Variants in MSI2 observed in about 807,000 individuals in gnomAD.
The protein encoded by MSI2 is musashi RNA binding protein 2, also known as RNA-binding protein Musashi homolog 2.
In MSI2, 17 loss-of-function variants were observed where a neutral mutation model predicts 45.6. The ratio of observed to expected loss-of-function variants is 0.37; its 90% CI spans 0.26 to 0.56. The LOEUF (loss-of-function observed/expected upper bound fraction) is 0.56, where lower values mean the gene tolerates loss of function less well. Among genes scored for constraint, MSI2 ranks in the 20% least tolerant of loss-of-function variants. The probability of loss-of-function intolerance (pLI) is 0.77; values close to 1 mark genes in which losing one functional copy is unlikely to be tolerated. For missense variants in MSI2, 293 were observed against 444.2 expected, an observed-to-expected ratio of 0.66 and a Z score of 3.06; for synonymous variants, 156 against 158.2, an observed-to-expected ratio of 0.99 and a Z score of 0.11.
At chr17:57,331,751 C>T (rs980797348) in intron 5 of MSI2, among the ~76,000 whole-genome samples, 2 of 152,130 alleles carry the variant, frequency 1.3e-5, no homozygotes, top group African/African-American at 2.4e-5. Context: ...ACAGTGAAGG[C>T]GTATCAGCCA....
At chr17:57,630,610 C>A (rs1909276405) in intron 10 of MSI2, 1 of 152,280 alleles carries the variant, frequency 6.6e-6, no homozygotes, top group African/African-American at 2.4e-5. Context: ...AGTCTATTCC[C>A]CTCCTGACCC....
chr17:57,654,989 C>T lies in MSI2; in HGVS notation c.790+2828C>T, dbSNP rs566995499. 7.4e-5 allele frequency among the ~76,000 whole-genome samples: 11 copies of T among 148,320 alleles called. No homozygotes were observed. The East Asian group carries it at 1.4e-3, about 19-fold the overall frequency. ...TGAAGTGAGAAGCACTTGCTGAGGG[C>T]CGTGGGGTGGGAGGCAGCTTCGTTT... is the stretch of plus-strand genomic sequence containing the variant. On this transcript the variant is annotated intron_variant, in intron 11 of 13. Coordinates refer to ENST00000284073, the MANE Select transcript of MSI2 (RefSeq NM_138962.4).
At chr17:57,553,116 C>A (rs2087344201) in intron 7 of MSI2, among the ~76,000 whole-genome samples, 1 of 152,158 alleles carries the variant, frequency 6.6e-6, no homozygotes, top group Non-Finnish European at 1.5e-5. Flanking sequence ...GTTGGAAATG[C>A]AGCCTTTGGT....
intron 6 of MSI2, among the ~76,000 whole-genome samples, chr17:57,464,031 G>C (rs2085284464): frequency 1.3e-5 from 2 of 151,498 alleles, no homozygotes; most frequent in African/African-American, 4.9e-5. Flanking sequence ...ATGTGTGTGT[G>C]TGTGTGTGTT....
At chr17:57,305,721 G>A (rs776157381) in intron 5 of MSI2, among the ~76,000 whole-genome samples, 7 of 152,100 alleles carry the variant, frequency 4.6e-5, no homozygotes. Flanking sequence ...TCGACTTAAG[G>A]TCAGCTACGA....
chr17:57,672,645 T>C (rs2144743756), intron 11 of MSI2, among the ~76,000 whole-genome samples: 1 of 152,346 alleles, frequency 6.6e-6, no homozygotes, highest in East Asian at 1.9e-4. Context: ...ACTTTCCGTC[T>C]ACCACTGCGC....
intron 6 of MSI2, chr17:57,448,296 T>C (rs1189980211): frequency 6.6e-6 from 1 of 152,248 alleles, no homozygotes; most frequent in Admixed American, 6.5e-5. Flanking sequence ...ACTTCTGTGA[T>C]AAACAGCTTA....
chr17:57,524,976 C>T (rs1450342105), intron 6 of MSI2, among the ~76,000 whole-genome samples: 2 of 152,190 alleles, frequency 1.3e-5, no homozygotes, highest in Non-Finnish European at 2.9e-5. Context: ...AATGCAAATA[C>T]TACTGAATCA....
intron 6 of MSI2, among the ~76,000 whole-genome samples, chr17:57,434,655 A>G (rs1226007250): frequency 6.6e-6 from 1 of 152,056 alleles, no homozygotes; most frequent in Non-Finnish European, 1.5e-5. Flanking sequence ...AGATCATGTA[A>G]TATTTGTCTT....
chr17:57,663,459 C>T (rs1294444574), intron 11 of MSI2, among the ~76,000 whole-genome samples: 1 of 152,210 alleles, frequency 6.6e-6, no homozygotes, highest in Non-Finnish European at 1.5e-5. Flanking sequence ...CCGCTCGCCC[C>T]TCTTTCGGGA....
chr17:57,565,644 A>T (rs183845861), intron 7 of MSI2, among the ~76,000 whole-genome samples: 10 of 147,744 alleles, frequency 6.8e-5, no homozygotes, highest in Non-Finnish European at 7.4e-5. Flanking sequence ...AGACAAAGAC[A>T]TGTTTTATTT....
At chr17:57,272,941 C>T (rs115523774) in intron 5 of MSI2, among the ~76,000 whole-genome samples, 6,340 of 152,200 alleles carry the variant, frequency 0.042, 175 homozygotes, top group African/African-American at 0.059. Context: ...ACTCAGTTCC[C>T]TCTGGGATAT....
intron 6 of MSI2, among the ~76,000 whole-genome samples, chr17:57,431,222 G>A (rs752548898): frequency 3.3e-5 from 5 of 152,160 alleles, no homozygotes; most frequent in Non-Finnish European, 5.9e-5. Flanking sequence ...TGCACTCTAG[G>A]CATCGGCCCT....
intron 11 of MSI2, among the ~76,000 whole-genome samples, chr17:57,674,349 G>C (rs967365866): frequency 4.0e-5 from 6 of 150,978 alleles, no homozygotes; most frequent in African/African-American, 1.5e-4. Flanking sequence ...AAACAAATTT[G>C]TCATTTAATG....
chr17:57,404,282 A>C (rs1014827518), intron 6 of MSI2, among the ~76,000 whole-genome samples: 4 of 152,166 alleles, frequency 2.6e-5, no homozygotes, highest in African/African-American at 9.7e-5. Flanking sequence ...TGATAACAGC[A>C]TCTGAACTCT....
At chr17:57,464,910 A>T (rs1188384861) in intron 6 of MSI2, among the ~76,000 whole-genome samples, 1 of 152,202 alleles carries the variant, frequency 6.6e-6, no homozygotes. Context: ...CCCACCTGGC[A>T]TGAGATACTG....
intron 6 of MSI2, among the ~76,000 whole-genome samples, chr17:57,478,170 A>AGT: frequency 6.6e-6 from 1 of 152,318 alleles, no homozygotes; most frequent in African/African-American, 2.4e-5. Flanking sequence ...CACTGGCTGC[A>AGT]GGCCAAAAGC....
chr17:57,423,629 A>G (rs940636287), intron 6 of MSI2, among the ~76,000 whole-genome samples: 1 of 152,198 alleles, frequency 6.6e-6, no homozygotes, highest in Non-Finnish European at 1.5e-5. Flanking sequence ...ATAATTTGCC[A>G]TTTGTTAAAG....
intron 6 of MSI2, among the ~76,000 whole-genome samples, chr17:57,491,795 CCA>C (rs2085877543): frequency 6.6e-6 from 1 of 152,178 alleles, no homozygotes; most frequent in East Asian, 1.9e-4. Context: ...GCATATGAAG[CCA>C]CAGTTTTCCT....
Sources: gnomAD v4.1 joint callset for allele counts (sites outside exome capture counted in the v4.1 genomes callset) on GRCh38, gnomAD v4.1.1 for gene constraint, MANE v1.5 for transcripts, NCBI Gene and HGNC (gene_info 2026-07-23, HGNC 2026-07-21) for gene names.